Variants in PHC2 observed in about 807,000 individuals in gnomAD.
PHC2 encodes the protein polyhomeotic-like protein 2.
PHC2 carries 29 observed loss-of-function variants against 87.4 expected under a neutral mutation model. The ratio of observed to expected loss-of-function variants is 0.33; its 90% confidence interval spans 0.25 to 0.45. The LOEUF (loss-of-function observed/expected upper bound fraction) is 0.45. Among genes scored for constraint, PHC2 ranks in the 20% least tolerant of loss-of-function variants. The probability of loss-of-function intolerance (pLI) is 1.00; values close to 1 mark genes in which losing one functional copy is unlikely to be tolerated. For missense variants in PHC2, 857 were observed against 1,136.7 expected, an observed-to-expected ratio of 0.75 and a Z score of 3.54; for synonymous variants, 438 against 461.7, an observed-to-expected ratio of 0.95 and a Z score of 0.66.
intron 9 of PHC2, among the ~76,000 whole-genome samples, chr1:33,348,564 T>C (rs1646889250): frequency 6.6e-6 from 1 of 152,178 alleles, no homozygotes; most frequent in Non-Finnish European, 1.5e-5. Context: ...TGGGATGGAA[T>C]AGTTTAAATT....
At chr1:33,388,933 A>G (rs1648908704) in intron 1 of PHC2, among the ~76,000 whole-genome samples, 1 of 152,096 alleles carries the variant, frequency 6.6e-6, no homozygotes, top group Non-Finnish European at 1.5e-5. Context: ...GGAGAAGGGA[A>G]GATTCTCAAA....
Position 33,355,147 on chromosome 1 carries a change from CGGCTGCTGCTGTTGTGGCTGT to C in PHC2, c.1062_1082del (p.Gln355_Pro361del). The C allele has an allele frequency of 8.8e-4, 1,420 of 1,610,822 alleles. 13 individuals carry two copies. Among genetic ancestry groups the C allele is most frequent in the South Asian group, 2.4e-3 (220 of 90,860 alleles). On this transcript the variant is annotated inframe_deletion, in exon 8 of 15. Transcript: ENST00000683057. ...GCACAGGCCGTGACTGCTGGGGCGG[CGGCTGCTGCTGTTGTGGCTGT>C]GGCTGCTGCTGGATCACAAATTGGG...
chr1:33,356,249 T>TTATATATATATA lies in PHC2; in HGVS notation c.977-1008_977-997dup, dbSNP rs60725677. Among the ~76,000 whole-genome samples, 843 of 101,470 alleles carry TTATATATATATA rather than the reference T, an allele frequency of 8.3e-3. 10 individuals are homozygous for TTATATATATATA. The highest frequency in any genetic ancestry group is 0.016 in the Middle Eastern group (3 of 188). 66.6% of individuals were successfully genotyped at this position (101,470 alleles called of 152,430 possible). A position where few individuals can be genotyped will look rare whatever the true frequency, so the allele number is the denominator to read the frequency against. On this transcript the variant is annotated intron_variant, in intron 7 of 14. Transcript: ENST00000683057. The stretch of plus-strand genomic sequence containing the variant: ...GGCTGACTCTTTGAGGTGAAAATTC[T>TTATATATATATA]TATATATATATATATATATATATAT...
chr1:33,416,602 A>G (rs1251161219), intron 1 of PHC2, among the ~76,000 whole-genome samples: 2 of 151,254 alleles, frequency 1.3e-5, no homozygotes, highest in Admixed American at 6.6e-5. Flanking sequence ...AAAAAAAAAA[A>G]AGAATTACAG....
chr1:33,363,652 G>A (rs1191252183), intron 7 of PHC2: 2 of 668,024 alleles, frequency 3.0e-6, no homozygotes, highest in South Asian at 6.7e-5. Context: ...GCCCAACTGG[G>A]TGAAAGGGCC....
intron 9 of PHC2, chr1:33,335,403 C>T: frequency 1.1e-5 from 10 of 936,496 alleles, no homozygotes; most frequent in Non-Finnish European, 1.3e-5. Flanking sequence ...GCAACAAGTC[C>T]ATTAATATAA....
chr1:33,388,380 A>G (rs2148357159), intron 1 of PHC2, among the ~76,000 whole-genome samples: 1 of 149,108 alleles, frequency 6.7e-6, no homozygotes, highest in Middle Eastern at 3.5e-3. Context: ...CTGGAGTGCA[A>G]TGGCGCGATC....
rs528716583 is a variant in PHC2 at position 33,362,056 on chromosome 1, C to T, written c.976+5060G>A. Among the ~76,000 whole-genome samples the T allele has an allele frequency of 4.4e-4, 67 of 152,340 alleles. 1 individual carries two copies. Among genetic ancestry groups the T allele is most frequent in the Non-Finnish European group, 6.9e-4 (47 of 68,028 alleles). On this transcript the variant is annotated intron_variant, in intron 7 of 14. Coordinates refer to ENST00000683057, the MANE Select transcript of PHC2 (RefSeq NM_001385109.1). ...AAGCCCACTGCTTTTCCCACTGTAACGCTCTGCCTCCCTGGTAGCTCTGAC... is the reference window on the plus strand; with the variant it reads ...AAGCCCACTGCTTTTCCCACTGTAATGCTCTGCCTCCCTGGTAGCTCTGAC...
At chr1:33,363,268 C>G (rs1647251252) in intron 7 of PHC2, 1 of 152,138 alleles carries the variant, frequency 6.6e-6, no homozygotes, top group South Asian at 2.1e-4. Context: ...GGATTTTTCT[C>G]CTAACATAAA....
chr1:33,378,681 T>C (rs1453990545), intron 1 of PHC2, among the ~76,000 whole-genome samples: 1 of 152,150 alleles, frequency 6.6e-6, no homozygotes, highest in Non-Finnish European at 1.5e-5. Flanking sequence ...TCCTCTATCC[T>C]TCACGTGATT....
chr1:33,371,999 AC>A (rs769887395), intron 3 of PHC2, among the ~76,000 whole-genome samples: 66 of 152,330 alleles, frequency 4.3e-4, no homozygotes, highest in Non-Finnish European at 7.1e-4. Context: ...CTTCCCTGGA[AC>A]CCACAGTCCT....
chr1:33,402,747 TA>T (rs1377202449), intron 1 of PHC2, among the ~76,000 whole-genome samples: 1 of 152,092 alleles, frequency 6.6e-6, no homozygotes, highest in Non-Finnish European at 1.5e-5. Flanking sequence ...CAGTTAAAAC[TA>T]AAAAAGTATA....
chr1:33,342,160 CAGGATGA>C (rs1646756290), intron 9 of PHC2, among the ~76,000 whole-genome samples: 1 of 152,230 alleles, frequency 6.6e-6, no homozygotes, highest in African/African-American at 2.4e-5. Context: ...GGCTGGCCAG[CAGGATGA>C]AGGAGAGGCC....
At chr1:33,345,848 T>C (rs1293110134) in intron 9 of PHC2, 1 of 984,008 alleles carries the variant, frequency 1.0e-6, no homozygotes, top group African/African-American at 1.7e-5. Flanking sequence ...TTTAGAAATA[T>C]CAAATCAGTG....
intron 7 of PHC2, among the ~76,000 whole-genome samples, chr1:33,357,085 G>A (rs1176126187): frequency 6.6e-6 from 1 of 152,254 alleles, no homozygotes; most frequent in Non-Finnish European, 1.5e-5. Context: ...CTAGGATGAA[G>A]CAGCTCAGCT....
intron 7 of PHC2, among the ~76,000 whole-genome samples, chr1:33,358,507 T>C (rs1438145775): frequency 6.6e-6 from 1 of 152,116 alleles, no homozygotes; most frequent in Non-Finnish European, 1.5e-5. Flanking sequence ...AGCATTATCC[T>C]GGATCAAAAA....
chr1:33,340,134 G>T (rs2148231243), intron 9 of PHC2, among the ~76,000 whole-genome samples: 2 of 152,322 alleles, frequency 1.3e-5, no homozygotes, highest in South Asian at 4.1e-4. Context: ...AAGGGAGTAT[G>T]TATTTTAACT....
intron 1 of PHC2, among the ~76,000 whole-genome samples, chr1:33,386,306 A>T (rs1648745807): frequency 6.6e-6 from 1 of 151,116 alleles, no homozygotes; most frequent in Non-Finnish European, 1.5e-5. Context: ...TCACAAGGTC[A>T]GGAGTTCAAG....
intron 1 of PHC2, among the ~76,000 whole-genome samples, chr1:33,383,072 T>TG (rs1474397325): frequency 6.6e-6 from 1 of 152,212 alleles, no homozygotes; most frequent in Admixed American, 6.5e-5. Flanking sequence ...TCCTTTGCTG[T>TG]GGCTCTGCTT....
Sources: gnomAD v4.1 joint callset for allele counts (sites outside exome capture counted in the v4.1 genomes callset) on GRCh38, gnomAD v4.1.1 for gene constraint, MANE v1.5 for transcripts, NCBI Gene and HGNC (gene_info 2026-07-23, HGNC 2026-07-21) for gene names.